TMT1A: variants seen among roughly 807,000 people sequenced by gnomAD.
The protein encoded by TMT1A is thiol S-methyltransferase TMT1A.
At chr12:50,926,881 C>T in the TMT1A span, among the ~76,000 whole-genome samples, 2,286 of 152,212 alleles carry the variant, frequency 0.015, 57 homozygotes, top group African/African-American at 0.052. Context: ...ATTCTTTATA[C>T]CTGTATGTAG....
chr12:50,930,238 T>C, the TMT1A span: 9 of 1,048,546 alleles, frequency 8.6e-6, no homozygotes, highest in South Asian at 2.1e-5. Context: ...AAGAGAAACC[T>C]TTTTTTTGGG....
chr12:50,927,350 G>A, the TMT1A span, among the ~76,000 whole-genome samples: 2 of 152,160 alleles, frequency 1.3e-5, no homozygotes, highest in Non-Finnish European at 2.9e-5. Flanking sequence ...TCTAATAGAG[G>A]AAGTTCCTCA....
the TMT1A span, chr12:50,925,096 T>C: frequency 1.9e-6 from 3 of 1,614,230 alleles, no homozygotes; most frequent in Non-Finnish European, 2.5e-6. Context: ...ATTTCCCTTG[T>C]ACCTGCTGAA....
At chr12:50,925,884 C>T in the TMT1A span, among the ~76,000 whole-genome samples, 5 of 151,392 alleles carry the variant, frequency 3.3e-5, no homozygotes, top group African/African-American at 7.3e-5. Flanking sequence ...ATTAAAAATA[C>T]AAAAATTAGC....
chr12:50,928,402 G>A, the TMT1A span, among the ~76,000 whole-genome samples: 1 of 152,170 alleles, frequency 6.6e-6, no homozygotes, highest in South Asian at 2.1e-4. Context: ...AGCAAAAAGA[G>A]GGGTCCTGAA....
At chr12:50,930,274 G>GT in the TMT1A span, 61,804 of 514,636 alleles carry the variant, frequency 0.12, 133 homozygotes, top group East Asian at 0.14. Flanking sequence ...TTTGTTGTTG[G>GT]TTTTTTTTTT....
At chr12:50,927,006 TG>T in the TMT1A span, among the ~76,000 whole-genome samples, 1 of 152,128 alleles carries the variant, frequency 6.6e-6, no homozygotes, top group East Asian at 1.9e-4. Flanking sequence ...GGGAAAGGCA[TG>T]TTTTGTAATC....
At chr12:50,927,042 C>T in the TMT1A span, among the ~76,000 whole-genome samples, 3 of 152,126 alleles carry the variant, frequency 2.0e-5, no homozygotes, top group East Asian at 5.8e-4. Flanking sequence ...TTTGTTGAGA[C>T]AGGGTTTCCC....
chr12:50,930,467 A>G, the TMT1A span: 2 of 187,606 alleles, frequency 1.1e-5, no homozygotes, highest in South Asian at 1.3e-4. Context: ...TAGTTGAGAC[A>G]GGGTTTCACT....
chr12:50,929,801 C>A, the TMT1A span: 41 of 895,732 alleles, frequency 4.6e-5, no homozygotes, highest in Non-Finnish European at 6.3e-5. Context: ...CAGAACTCTA[C>A]GGTTCTCTCA....
chr12:50,930,323 A>T, the TMT1A span: 1 of 555,668 alleles, frequency 1.8e-6, no homozygotes, highest in Admixed American at 3.6e-5. Context: ...CTTGTTGCCC[A>T]GGCTGGAGTG....
the TMT1A span, chr12:50,930,109 G>A: frequency 6.2e-7 from 1 of 1,613,698 alleles, no homozygotes. Flanking sequence ...ACTGTCCTGG[G>A]AGTTGGTGCG....
At chr12:50,930,264 TTTG>T in the TMT1A span, 2 of 858,720 alleles carry the variant, frequency 2.3e-6, no homozygotes, top group South Asian at 2.1e-5. Context: ...GTTTTTTTGG[TTTG>T]TTGTTGGTTT....
chr12:50,930,604 C>T, the TMT1A span: 81 of 140,154 alleles, frequency 5.8e-4, no homozygotes, highest in Middle Eastern at 5.1e-3. Context: ...TGTTTTGAGA[C>T]GGAGTTTTCG....
the TMT1A span, chr12:50,931,009 A>C: frequency 2.6e-5 from 4 of 152,324 alleles, no homozygotes; most frequent in East Asian, 7.7e-4. Flanking sequence ...CCTTCAAAGG[A>C]AACAGTCGAC....
chr12:50,925,789 A>C, the TMT1A span, among the ~76,000 whole-genome samples: 1 of 152,154 alleles, frequency 6.6e-6, no homozygotes. Context: ...CTGTAATCCC[A>C]GCATTTTGGG....
the TMT1A span, chr12:50,930,402 C>T: frequency 3.4e-6 from 1 of 291,624 alleles, no homozygotes; most frequent in South Asian, 6.7e-5. Flanking sequence ...GCCTCAGCCT[C>T]CCTAGTAGCT....
At chr12:50,931,020 T>G in the TMT1A span, 3 of 152,176 alleles carry the variant, frequency 2.0e-5, no homozygotes, top group African/African-American at 7.2e-5. Context: ...AACAGTCGAC[T>G]TTCATAATTA....
the TMT1A span, chr12:50,929,941 G>A: frequency 6.2e-7 from 1 of 1,613,190 alleles, no homozygotes. Context: ...CATGGAGCAT[G>A]TGGCAGCTGA....
Sources: gnomAD v4.1 joint callset for allele counts (sites outside exome capture counted in the v4.1 genomes callset) on GRCh38, gnomAD v4.1.1 for gene constraint, MANE v1.5 for transcripts, NCBI Gene and HGNC (gene_info 2026-07-23, HGNC 2026-07-21) for gene names.